NDUFB9: variants seen among roughly 807,000 people sequenced by gnomAD.
NDUFB9 encodes NADH:ubiquinone oxidoreductase subunit B9, also known as NADH dehydrogenase [ubiquinone] 1 beta subcomplex subunit 9.
NDUFB9 carries 24 observed loss-of-function variants against 30.2 expected under a neutral mutation model. The observed-to-expected ratio is 0.80, with a 90% CI of 0.58 to 1.12. The LOEUF (loss-of-function observed/expected upper bound fraction) is 1.12, where lower values mean the gene tolerates loss of function less well. NDUFB9 is among the 50% of genes most tolerant of loss of function. The pLI is 0.00. For missense variants in NDUFB9, 204 were observed against 226.0 expected (o/e 0.90, Z 0.62); for synonymous variants, 80 against 84.0 (o/e 0.95, Z 0.26).
At chr8:124,543,622 TGTG>T (rs1244269864) in intron 2 of NDUFB9, among the ~76,000 whole-genome samples, 1 of 152,238 alleles carries the variant, frequency 6.6e-6, no homozygotes, top group Non-Finnish European at 1.5e-5. Context: ...TACACACAGT[TGTG>T]GTGAACTGTG....
rs748125978 is a variant in NDUFB9, at chr8:124,539,211, T to C, written c.25T>C (p.Tyr9His). The C allele has an allele frequency of 5.3e-5, 86 of 1,614,066 alleles. No individual in the cohort carries two copies. The highest frequency in any genetic ancestry group is 7.0e-5 in the Non-Finnish European group (83 of 1,180,028). Residue 9 changes from tyrosine (Y) to histidine (H), a missense_variant, in exon 1 of 4, where the codon TAC becomes CAC. By Grantham distance (83) the Tyr-to-His change is moderately conservative. Coordinates refer to ENST00000276689, the MANE Select transcript of NDUFB9 (RefSeq NM_005005.3). ...AATGGCGTTCTTGGCGTCGGGACCC[T>C]ACCTGACCCATCAGCAAAAGGTGTT... MAFLASGPYLTHQQKVLRL... is the reference protein window; with the variant it reads MAFLASGPHLTHQQKVLRL...
chr8:124,544,006 A>G (rs1204052997), intron 2 of NDUFB9, among the ~76,000 whole-genome samples: 1 of 152,234 alleles, frequency 6.6e-6, no homozygotes, highest in Non-Finnish European at 1.5e-5. Context: ...CTGGTTAGCC[A>G]AGTTGTGAAT....
At position 124,539,235 on chromosome 8, in the gene NDUFB9, T is replaced by C; in HGVS notation, c.49T>C (p.Leu17=). Residue 17 remains leucine (L), a synonymous_variant, in exon 1 of 4, where the codon TTG becomes CTG. Coordinates refer to ENST00000276689, the MANE Select transcript of NDUFB9 (RefSeq NM_005005.3). Reference sequence around the variant, plus strand: ...CTACCTGACCCATCAGCAAAAGGTGTTGCGGCTTTATAAGCGGGCGCTACG... The same window carrying C: ...CTACCTGACCCATCAGCAAAAGGTGCTGCGGCTTTATAAGCGGGCGCTACG... The part of the protein sequence containing the change: ...GPYLTHQQKV[L]RLYKRALRHL... 1 of 1,614,192 alleles carries C rather than the reference T, an allele frequency of 6.2e-7. No individual in the cohort carries two copies. Among genetic ancestry groups the C allele is most frequent in the Non-Finnish European group, 8.5e-7 (1 of 1,180,024 alleles).
chr8:124,541,504 A>T (rs1048771483), intron 1 of NDUFB9, among the ~76,000 whole-genome samples: 1 of 152,242 alleles, frequency 6.6e-6, no homozygotes, highest in African/African-American at 2.4e-5. Flanking sequence ...CACTTTTTAA[A>T]GTGTGTTTAT....
chr8:124,541,182 A>T (rs889204941), intron 1 of NDUFB9, among the ~76,000 whole-genome samples: 12 of 152,056 alleles, frequency 7.9e-5, no homozygotes, highest in African/African-American at 2.4e-4. Context: ...ATAATAATAA[A>T]AAAAAAATTG....
intron 1 of NDUFB9, chr8:124,539,576 G>C (rs113445889): frequency 2.3e-6 from 1 of 427,316 alleles, no homozygotes; most frequent in Non-Finnish European, 4.3e-6. Flanking sequence ...ATAAAGGAAA[G>C]TGCCTAAAAT....
chr8:124,540,434 A>G (rs367786596), intron 1 of NDUFB9, among the ~76,000 whole-genome samples: 2 of 152,248 alleles, frequency 1.3e-5, no homozygotes, highest in East Asian at 1.9e-4. Flanking sequence ...TCAGGGATTC[A>G]GGTATCCCAA....
chr8:124,547,144 A>G (rs1300796529), intron 3 of NDUFB9, 31 bp downstream of exon 3: 1 of 1,543,056 alleles, frequency 6.5e-7, no homozygotes, highest in East Asian at 2.2e-5. Context: ...GTTATTCCTT[A>G]GCTATGTAGA....
At chr8:124,539,461 G>A in intron 1 of NDUFB9, 174 bp downstream of exon 1, 1 of 639,798 alleles carries the variant, frequency 1.6e-6, no homozygotes, top group Non-Finnish European at 2.8e-6. Flanking sequence ...CGCCACTTAT[G>A]GCCGGGAGAC....
intron 3 of NDUFB9, among the ~76,000 whole-genome samples, chr8:124,547,714 T>C (rs908842521): frequency 1.3e-5 from 2 of 152,090 alleles, no homozygotes; most frequent in Non-Finnish European, 2.9e-5. Flanking sequence ...GTGCGGTGGC[T>C]CACACCTATA....
intron 1 of NDUFB9, 44 bp from the exon 2 acceptor site, chr8:124,543,043 T>G: frequency 6.3e-7 from 1 of 1,599,136 alleles, no homozygotes; most frequent in Non-Finnish European, 8.6e-7. Flanking sequence ...ACTGACCACG[T>G]GAGTAGGTAA....
chr8:124,543,761 C>T (rs187629116), intron 2 of NDUFB9, among the ~76,000 whole-genome samples: 32 of 152,258 alleles, frequency 2.1e-4, no homozygotes, highest in Admixed American at 2.0e-3. Context: ...ATAGTTCCTC[C>T]GCCTCTATCC....
intron 3 of NDUFB9, 57 bp from the exon 4 acceptor site, chr8:124,549,704 G>A: frequency 6.4e-7 from 1 of 1,565,020 alleles, no homozygotes; most frequent in Non-Finnish European, 8.8e-7. Context: ...GCAGCAGACA[G>A]ATTTTTATAG....
chr8:124,548,749 C>G (rs1180683251), intron 3 of NDUFB9, among the ~76,000 whole-genome samples: 2 of 152,048 alleles, frequency 1.3e-5, no homozygotes, highest in Non-Finnish European at 2.9e-5. Context: ...AAAACAAAGT[C>G]AAGCCAGTGG....
chr8:124,546,084 C>T (rs1046353298), intron 2 of NDUFB9, among the ~76,000 whole-genome samples: 1 of 152,132 alleles, frequency 6.6e-6, no homozygotes, highest in South Asian at 2.1e-4. Context: ...TCAGGTGATC[C>T]GCCTGCCTCA....
In NDUFB9 at chr8:124,547,011, G is replaced by T. The variant is rs372734232; in HGVS notation, c.306G>T (p.Trp102Cys). Reference sequence around the variant, plus strand: ...TCCTCTCCTGACAGGTCCCAGAATGGTGCTTAGATGACTGGCATCCTTCTG... The same window carrying T: ...TCCTCTCCTGACAGGTCCCAGAATGTTGCTTAGATGACTGGCATCCTTCTG... Reference protein sequence around the residue: ...ERYDCYKVPEWCLDDWHPSEK... With the variant: ...ERYDCYKVPECCLDDWHPSEK... Residue 102 changes from tryptophan to cysteine, a missense_variant, in exon 3 of 4, where the codon TGG becomes TGT. Physicochemically the swap from Trp to Cys is radical, Grantham distance 215 (BLOSUM62 -2). Transcript: ENST00000276689. 3.7e-6 allele frequency: 6 copies of T among 1,611,194 alleles called. No individual in the cohort carries two copies. In the African/African-American group the frequency reaches 8.0e-5, roughly 22 times the overall value.
At chr8:124,545,529 T>A (rs1049670868) in intron 2 of NDUFB9, among the ~76,000 whole-genome samples, 3 of 152,152 alleles carry the variant, frequency 2.0e-5, no homozygotes, top group Admixed American at 6.5e-5. Flanking sequence ...CAATAACGTA[T>A]TTCTTTTGTT....
At chr8:124,545,110 T>G (rs937812170) in intron 2 of NDUFB9, among the ~76,000 whole-genome samples, 2 of 152,228 alleles carry the variant, frequency 1.3e-5, no homozygotes, top group African/African-American at 2.4e-5. Context: ...TGATAAATCT[T>G]GAGCAGATGA....
chr8:124,542,895 G>A, intron 1 of NDUFB9, 192 bp from the exon 2 acceptor site: 1 of 559,322 alleles, frequency 1.8e-6, no homozygotes, highest in Non-Finnish European at 3.2e-6. Context: ...ATTTAATACA[G>A]TATTTTTTTG....
Sources: gnomAD v4.1 joint callset for allele counts (sites outside exome capture counted in the v4.1 genomes callset) on GRCh38, gnomAD v4.1.1 for gene constraint, MANE v1.5 for transcripts, NCBI Gene and HGNC (gene_info 2026-07-23, HGNC 2026-07-21) for gene names.